The following HMBOX1 variants were observed in gnomAD, a reference collection of about 807,000 sequenced individuals.
The protein encoded by HMBOX1 is homeobox-containing protein 1.
In HMBOX1, 14 loss-of-function variants were observed where a neutral mutation model predicts 54.5. The observed-to-expected ratio is 0.26, with a 90% CI of 0.17 to 0.40. The LOEUF (loss-of-function observed/expected upper bound fraction) is 0.40, where lower values mean the gene tolerates loss of function less well. Ranked by LOEUF, HMBOX1 falls within the 10% of genes least tolerant of loss-of-function variation. The pLI, the probability that HMBOX1 is intolerant of heterozygous loss-of-function variation, is 1.00. For synonymous variants in HMBOX1, 160 were observed against 181.0 expected (o/e 0.88, Z 0.93); for missense variants, 332 against 514.4 (o/e 0.65, Z 3.43).
At chr8:28,913,003 T>C (rs1815759826) in intron 1 of HMBOX1, among the ~76,000 whole-genome samples, 1 of 152,220 alleles carries the variant, frequency 6.6e-6, no homozygotes, top group African/African-American at 2.4e-5. Flanking sequence ...CTCTGATTCT[T>C]ACTTCCTTCA....
At chr8:29,025,581 GCTT>G (rs1242905076) in intron 6 of HMBOX1, among the ~76,000 whole-genome samples, 1 of 152,142 alleles carries the variant, frequency 6.6e-6, no homozygotes, top group Non-Finnish European at 1.5e-5. Flanking sequence ...TTCCATCTAA[GCTT>G]CTTCTAGTTT....
At chr8:29,018,970 T>G in intron 6 of HMBOX1, 57 bp downstream of exon 6, 1 of 1,515,700 alleles carries the variant, frequency 6.6e-7, no homozygotes, top group Non-Finnish European at 9.1e-7. Context: ...ACATCAACTC[T>G]GGATAGACTG....
intron 5 of HMBOX1, among the ~76,000 whole-genome samples, chr8:29,016,235 C>G (rs1222324613): frequency 2.6e-5 from 4 of 152,136 alleles, no homozygotes; most frequent in African/African-American, 4.8e-5. Context: ...GTATGACTAG[C>G]AATTGCTATG....
intron 1 of HMBOX1, among the ~76,000 whole-genome samples, chr8:28,935,675 A>G (rs1456120513): frequency 6.6e-6 from 1 of 152,200 alleles, no homozygotes; most frequent in African/African-American, 2.4e-5. Context: ...ATAAGAGAAT[A>G]TTGATAAATT....
intron 4 of HMBOX1, among the ~76,000 whole-genome samples, chr8:28,999,022 C>G (rs548160638): frequency 1.5e-4 from 23 of 152,022 alleles, no homozygotes; most frequent in Non-Finnish European, 2.9e-4. Context: ...GTTATAGACA[C>G]AAAATATTTA....
intron 4 of HMBOX1, among the ~76,000 whole-genome samples, chr8:29,005,407 T>A (rs1833310453): frequency 6.6e-6 from 1 of 152,218 alleles, no homozygotes; most frequent in African/African-American, 2.4e-5. Context: ...ATATCTTTAG[T>A]TATATATTAG....
chr8:29,051,024 A>G lies in HMBOX1; in HGVS notation c.1132A>G (p.Ser378Gly). The G allele has an allele frequency of 6.2e-7, 1 of 1,611,656 alleles. No homozygotes were observed. Among genetic ancestry groups the G allele is most frequent in the South Asian group, 1.1e-5 (1 of 90,928 alleles). Residue 378 changes from serine to glycine, a missense_variant, in exon 10 of 10, where the codon AGT becomes GGT. This residue lies in a region of HMBOX1 where 69 missense variants were observed against 104.6 expected (regional missense o/e 0.66). Coordinates refer to ENST00000287701, the MANE Select transcript of HMBOX1 (RefSeq NM_001135726.3). ...DGNDYSEQDD[S>G]TSHSDHQDPI... ...CTTATTTCTGCACATCTAGGATGACAGTACGAGCCATAGTGACCACCAAGA... is the reference window on the plus strand; with the variant it reads ...CTTATTTCTGCACATCTAGGATGACGGTACGAGCCATAGTGACCACCAAGA...
At chr8:28,995,078 T>C (rs2132649396) in intron 4 of HMBOX1, among the ~76,000 whole-genome samples, 1 of 152,282 alleles carries the variant, frequency 6.6e-6, no homozygotes, top group South Asian at 2.1e-4. Flanking sequence ...ATAAGAATTC[T>C]GGATCAAAAC....
At chr8:28,904,266 T>G (rs1254312882) in intron 1 of HMBOX1, among the ~76,000 whole-genome samples, 2 of 151,552 alleles carry the variant, frequency 1.3e-5, no homozygotes, top group African/African-American at 4.8e-5. Context: ...TTTTTTTTTT[T>G]GAGACGGAGT....
intron 1 of HMBOX1, among the ~76,000 whole-genome samples, chr8:28,925,812 T>C (rs967870994): frequency 6.6e-6 from 1 of 152,192 alleles, no homozygotes; most frequent in Non-Finnish European, 1.5e-5. Context: ...AAAAATAATA[T>C]AAAAGTAGCT....
intron 4 of HMBOX1, among the ~76,000 whole-genome samples, chr8:29,007,331 C>A (rs1833610301): frequency 6.6e-6 from 1 of 151,884 alleles, no homozygotes. Flanking sequence ...TAAAAAATAA[C>A]CATAATGTCT....
chr8:29,015,067 T>C (rs1834806378), intron 5 of HMBOX1, among the ~76,000 whole-genome samples: 1 of 152,198 alleles, frequency 6.6e-6, no homozygotes, highest in East Asian at 1.9e-4. Context: ...TTTTCCTTCC[T>C]GCCCAGTTTT....
In HMBOX1 at chr8:28,910,107, A is replaced by G. The variant is rs542634323; in HGVS notation, c.-58+19429A>G. Reference sequence around the variant, plus strand: ...CATGCTTTATGTGTTTATACCAACCAAAATACCTTTTGTGTTTACAGATTT... The same window carrying G: ...CATGCTTTATGTGTTTATACCAACCGAAATACCTTTTGTGTTTACAGATTT... On this transcript the variant is annotated intron_variant, in intron 1 of 9. Coordinates refer to ENST00000287701, the MANE Select transcript of HMBOX1 (RefSeq NM_001135726.3). Among the ~76,000 whole-genome samples the G allele has an allele frequency of 2.6e-5, 4 of 152,324 alleles. No individual in the cohort carries two copies. In the East Asian group the frequency reaches 7.7e-4, roughly 29 times the overall value.
intron 1 of HMBOX1, among the ~76,000 whole-genome samples, chr8:28,905,510 C>T (rs1814156718): frequency 1.3e-5 from 2 of 152,186 alleles, no homozygotes; most frequent in Non-Finnish European, 2.9e-5. Flanking sequence ...CCAGTTATAG[C>T]CTTCAAAAGA....
rs11356150 is a variant in HMBOX1 at position 29,051,898 on chromosome 8, TAAAAAAAA to T, written c.*756_*763del. ...AACAAAGACAAAAACCAAAAGTCAT[TAAAAAAAA>T]AAAAAAAAAAAACCCAGCTTGAGAG... On this transcript the variant is annotated 3_prime_UTR_variant, in exon 10 of 10. Transcript: ENST00000287701. 0.34 allele frequency: 44,348 copies of T among 132,244 alleles called. 6,412 individuals carry two copies. Among genetic ancestry groups the T allele is most frequent in the African/African-American group, 0.41 (13,785 of 33,418 alleles). The allele number at this position is 132,244 out of a possible 1,614,324, so 8.2% of individuals were successfully genotyped here. A position where few individuals can be genotyped will look rare whatever the true frequency, so the allele number is the denominator to read the frequency against.
intron 1 of HMBOX1, among the ~76,000 whole-genome samples, chr8:28,895,903 T>G (rs1812009728): frequency 1.3e-5 from 2 of 152,194 alleles, no homozygotes; most frequent in African/African-American, 4.8e-5. Flanking sequence ...CTTGTTTGAA[T>G]TTTTTTCATT....
chr8:29,015,979 A>G (rs897741538), intron 5 of HMBOX1, among the ~76,000 whole-genome samples: 1 of 152,256 alleles, frequency 6.6e-6, no homozygotes, highest in Non-Finnish European at 1.5e-5. Context: ...AAAGCATTAT[A>G]TGATGACAAA....
chr8:29,038,783 C>T (rs1563630508), intron 6 of HMBOX1, among the ~76,000 whole-genome samples: 1 of 152,168 alleles, frequency 6.6e-6, no homozygotes, highest in Non-Finnish European at 1.5e-5. Context: ...GAGATATTGC[C>T]CTACAAAAAT....
intron 4 of HMBOX1, among the ~76,000 whole-genome samples, chr8:29,004,571 C>T (rs982654039): frequency 6.6e-6 from 1 of 152,150 alleles, no homozygotes; most frequent in South Asian, 2.1e-4. Flanking sequence ...GTGAATGAGG[C>T]TGGAAAGGCT....
Sources: gnomAD v4.1 joint callset for allele counts (sites outside exome capture counted in the v4.1 genomes callset) on GRCh38, gnomAD v4.1.1 for gene constraint, gnomAD v4.1.1 regional missense constraint, MANE v1.5 for transcripts, NCBI Gene and HGNC (gene_info 2026-07-23, HGNC 2026-07-21) for gene names.